The following SEMA6D variants were observed in gnomAD, a reference collection of about 807,000 sequenced individuals.
The protein encoded by SEMA6D is semaphorin 6D.
A neutral mutation model predicts 106.6 loss-of-function variants in SEMA6D; 35 were observed. The ratio of observed to expected loss-of-function variants is 0.33; its 90% confidence interval spans 0.25 to 0.44. The LOEUF is 0.44. SEMA6D is among the 20% of genes least tolerant of loss of function. The probability of loss-of-function intolerance (pLI) is 1.00; values close to 1 mark genes in which losing one functional copy is unlikely to be tolerated. For missense variants in SEMA6D, 1,185 were observed against 1,345.9 expected, an observed-to-expected ratio of 0.88 and a Z score of 1.87; for synonymous variants, 499 against 487.7, an observed-to-expected ratio of 1.02 and a Z score of -0.31.
chr15:47,393,041 C>T (rs974026556), intron 1 of SEMA6D, among the ~76,000 whole-genome samples: 18 of 152,176 alleles, frequency 1.2e-4, no homozygotes, highest in East Asian at 7.7e-4. Flanking sequence ...CAAATGGCTT[C>T]GCCAGTCCCA....
intron 4 of SEMA6D, among the ~76,000 whole-genome samples, chr15:47,703,973 G>A (rs75487884): frequency 0.026 from 3,990 of 152,194 alleles, 149 homozygotes; most frequent in African/African-American, 0.092. Context: ...AAAATTATCT[G>A]TTGCAAAAAC....
chr15:47,508,092 G>A (rs1278497944), intron 3 of SEMA6D, among the ~76,000 whole-genome samples: 2 of 152,108 alleles, frequency 1.3e-5, no homozygotes, highest in African/African-American at 2.4e-5. Flanking sequence ...TTAAAAGCCC[G>A]TGAACTTCAG....
intron 2 of SEMA6D, among the ~76,000 whole-genome samples, chr15:47,440,476 G>A (rs16959501): frequency 2.1e-3 from 314 of 152,142 alleles, no homozygotes; most frequent in African/African-American, 7.3e-3. Context: ...AGATGCAAGC[G>A]TGTTTTTAGT....
At chr15:47,240,985 AT>A (rs2032868757) in intron 1 of SEMA6D, among the ~76,000 whole-genome samples, 3 of 152,164 alleles carry the variant, frequency 2.0e-5, no homozygotes, top group Admixed American at 6.6e-5. Context: ...ACATTCTGAA[AT>A]GCAGGTTAGA....
chr15:47,325,138 A>T (rs1189583029), intron 1 of SEMA6D, among the ~76,000 whole-genome samples: 3 of 151,108 alleles, frequency 2.0e-5, no homozygotes, highest in Non-Finnish European at 4.4e-5. Context: ...ACCCTTTCAA[A>T]ATAAGAGCAC....
At chr15:47,676,233 A>G (rs2078243030) in intron 4 of SEMA6D, among the ~76,000 whole-genome samples, 1 of 152,158 alleles carries the variant, frequency 6.6e-6, no homozygotes, top group Non-Finnish European at 1.5e-5. Flanking sequence ...TCAACATTAA[A>G]TGTGAAGTAT....
At chr15:47,665,836 C>G (rs972385917) in intron 4 of SEMA6D, among the ~76,000 whole-genome samples, 2 of 152,152 alleles carry the variant, frequency 1.3e-5, no homozygotes, top group African/African-American at 4.8e-5. Flanking sequence ...TAATAGTTTA[C>G]TCATAGTGAC....
chr15:47,258,866 T>C (rs1316546872), intron 1 of SEMA6D, among the ~76,000 whole-genome samples: 6 of 152,122 alleles, frequency 3.9e-5, no homozygotes, highest in Non-Finnish European at 8.8e-5. Context: ...AACATTTTAT[T>C]ATTTGTTTTC....
chr15:47,749,080 CTTTT>C (rs71118197), intron 1 of SEMA6D, among the ~76,000 whole-genome samples: 1 of 102,686 alleles, frequency 9.7e-6, no homozygotes, highest in Admixed American at 1.0e-4. Context: ...CTTTTTTTTT[CTTTT>C]TTTTTTTTTT....
chr15:47,660,568 C>A (rs1399001269), intron 4 of SEMA6D, among the ~76,000 whole-genome samples: 1 of 152,114 alleles, frequency 6.6e-6, no homozygotes, highest in Non-Finnish European at 1.5e-5. Flanking sequence ...AAACAAGTAA[C>A]TATTAACAGA....
At chr15:47,369,381 A>G (rs543118637) in intron 1 of SEMA6D, among the ~76,000 whole-genome samples, 2 of 152,330 alleles carry the variant, frequency 1.3e-5, no homozygotes, top group East Asian at 3.9e-4. Context: ...CAAGGGGAAA[A>G]AGACAATAGT....
At chr15:47,207,984 GGCGCGC>G (rs143248605) in intron 1 of SEMA6D, among the ~76,000 whole-genome samples, 1 of 73,102 alleles carries the variant, frequency 1.4e-5, no homozygotes, top group South Asian at 5.6e-4. Flanking sequence ...AGTAGCCACT[GGCGCGC>G]GCGCACACAC....
At chr15:47,665,592 C>T (rs1488775509) in intron 4 of SEMA6D, among the ~76,000 whole-genome samples, 1 of 152,148 alleles carries the variant, frequency 6.6e-6, no homozygotes, top group Non-Finnish European at 1.5e-5. Context: ...GGCAGATCAC[C>T]TGAGGTCAAG....
intron 3 of SEMA6D, among the ~76,000 whole-genome samples, chr15:47,499,695 C>T (rs1422215939): frequency 6.6e-6 from 1 of 151,976 alleles, no homozygotes; most frequent in East Asian, 1.9e-4. Flanking sequence ...CTTATAGTTT[C>T]TTAGATGGAA....
chr15:47,494,741 GAT>G (rs202139404), intron 3 of SEMA6D, among the ~76,000 whole-genome samples: 1,532 of 32,700 alleles, frequency 0.047, 40 homozygotes, highest in South Asian at 0.075. Context: ...GTGGGATGGA[GAT>G]ATATATATAT....
chr15:47,726,284 G>T (rs543838169), intron 1 of SEMA6D, among the ~76,000 whole-genome samples: 1 of 152,384 alleles, frequency 6.6e-6, no homozygotes, highest in East Asian at 1.9e-4. Flanking sequence ...ACCTCTGGGA[G>T]TATAGGACTA....
chr15:47,327,332 AT>A (rs1198456987), intron 1 of SEMA6D, among the ~76,000 whole-genome samples: 13 of 152,200 alleles, frequency 8.5e-5, no homozygotes, highest in Non-Finnish European at 1.6e-4. Flanking sequence ...CATAATATAA[AT>A]AGTAGTTCTT....
chr15:47,560,047 A>T (rs894377132), intron 3 of SEMA6D, among the ~76,000 whole-genome samples: 2 of 152,160 alleles, frequency 1.3e-5, no homozygotes, highest in African/African-American at 4.8e-5. Flanking sequence ...GACTTCACAG[A>T]TATAGTCTAT....
chr15:47,355,807 C>T (rs1176976142), intron 1 of SEMA6D, among the ~76,000 whole-genome samples: 2 of 152,112 alleles, frequency 1.3e-5, no homozygotes, highest in Admixed American at 1.3e-4. Flanking sequence ...GACCTTTGTA[C>T]TAGAAGGGCA....
Sources: allele counts gnomAD v4.1 joint callset (sites outside exome capture counted in the v4.1 genomes callset), GRCh38; gene constraint gnomAD v4.1.1; transcripts MANE v1.5; gene names NCBI Gene and HGNC (gene_info 2026-07-23, HGNC 2026-07-21).